YEATS4: variants seen among roughly 807,000 people sequenced by gnomAD.
YEATS4 encodes YEATS domain-containing protein 4.
YEATS4 carries 17 observed loss-of-function variants against 30.1 expected under a neutral mutation model. The ratio of observed to expected loss-of-function variants is 0.56; its 90% CI spans 0.39 to 0.85. The LOEUF is 0.85. Among genes scored for constraint, YEATS4 ranks in the 40% least tolerant of loss-of-function variants. The pLI is 0.00. For missense variants in YEATS4, 142 were observed against 268.3 expected, an observed-to-expected ratio of 0.53 and a Z score of 3.29; for synonymous variants, 85 against 87.5, an observed-to-expected ratio of 0.97 and a Z score of 0.16.
At chr12:69,412,526 G>A in the YEATS4 span, among the ~76,000 whole-genome samples, 1 of 152,218 alleles carries the variant, frequency 6.6e-6, no homozygotes, top group East Asian at 1.9e-4. Flanking sequence ...GGTGGCAGGG[G>A]CCTGTAGTCC....
At chr12:69,411,332 G>A in the YEATS4 span, among the ~76,000 whole-genome samples, 312 of 152,186 alleles carry the variant, frequency 2.1e-3, no homozygotes, top group Admixed American at 3.5e-3. Context: ...GTTTCGCCAT[G>A]TTGCCCAGGC....
intron 6 of YEATS4, among the ~76,000 whole-genome samples, chr12:69,375,928 T>C (rs1875857111): frequency 6.6e-6 from 1 of 152,142 alleles, no homozygotes; most frequent in Non-Finnish European, 1.5e-5. Context: ...TCTTTCTTGA[T>C]TTCATTTTCA....
downstream of YEATS4, among the ~76,000 whole-genome samples, chr12:69,394,430 G>C (rs1389927467): frequency 6.6e-6 from 1 of 152,090 alleles, no homozygotes; most frequent in Non-Finnish European, 1.5e-5. Flanking sequence ...TCACTGAAGA[G>C]GACATAAAAA....
intron 4 of YEATS4, among the ~76,000 whole-genome samples, chr12:69,370,255 A>G (rs1875587512): frequency 1.3e-5 from 2 of 152,152 alleles, no homozygotes; most frequent in African/African-American, 4.8e-5. Context: ...TTATTATGTC[A>G]TTTATGTAAT....
intron 6 of YEATS4, among the ~76,000 whole-genome samples, chr12:69,375,153 G>A (rs1181229913): frequency 6.7e-6 from 1 of 149,980 alleles, no homozygotes. Context: ...AGACGGGGAG[G>A]CTGCCGGGCG....
At chr12:69,391,863 C>T (rs554153515), downstream of YEATS4, among the ~76,000 whole-genome samples, 6 of 152,264 alleles carry the variant, frequency 3.9e-5, no homozygotes, top group South Asian at 4.1e-4. Flanking sequence ...CAGCTGCCCA[C>T]GAATGTATTG....
intron 6 of YEATS4, among the ~76,000 whole-genome samples, chr12:69,384,661 A>G (rs2121047657): frequency 6.6e-6 from 1 of 152,350 alleles, no homozygotes; most frequent in East Asian, 1.9e-4. Flanking sequence ...AAATTAGATT[A>G]CTGGCTATCC....
chr12:69,359,802 C>A lies in YEATS4; in HGVS notation c.-171C>A. On this transcript the variant is annotated 5_prime_UTR_variant, in exon 1 of 7. Coordinates refer to ENST00000247843, the MANE Select transcript of YEATS4 (RefSeq NM_006530.4). ...GAATGGCCTTCAGGAGCACAGTCGG[C>A]CTGAGGAGTTGACGGTTACTCACCG... The A allele has an allele frequency of 2.8e-6, 2 of 713,408 alleles. No individual in the cohort carries two copies. Among genetic ancestry groups the A allele is most frequent in the Non-Finnish European group, 4.5e-6 (2 of 440,166 alleles). 44.2% of individuals were successfully genotyped at this position (713,408 alleles called of 1,614,324 possible).
chr12:69,385,154 C>T (rs1876221363), intron 6 of YEATS4, among the ~76,000 whole-genome samples: 1 of 151,228 alleles, frequency 6.6e-6, no homozygotes, highest in African/African-American at 2.4e-5. Context: ...GCTAGGACTA[C>T]AGGTATGTGC....
chr12:69,420,813 G>A, the YEATS4 span, among the ~76,000 whole-genome samples: 4 of 152,056 alleles, frequency 2.6e-5, no homozygotes, highest in Admixed American at 6.6e-5. Flanking sequence ...TTCCATCCCC[G>A]GCCTCCCAGC....
At chr12:69,395,494 A>T (rs1451570249), downstream of YEATS4, among the ~76,000 whole-genome samples, 1 of 152,318 alleles carries the variant, frequency 6.6e-6, no homozygotes, top group African/African-American at 2.4e-5. Flanking sequence ...TATAAGTAAT[A>T]TGTTAGTAAG....
chr12:69,360,330 G>A (rs1013282746), intron 1 of YEATS4, among the ~76,000 whole-genome samples: 1 of 152,146 alleles, frequency 6.6e-6, no homozygotes, highest in Non-Finnish European at 1.5e-5. Context: ...AGCTCAGCTT[G>A]GTGCACATTC....
chr12:69,381,710 A>G (rs964059470), intron 6 of YEATS4, among the ~76,000 whole-genome samples: 4 of 152,182 alleles, frequency 2.6e-5, no homozygotes, highest in East Asian at 3.9e-4. Flanking sequence ...AATCTTCACA[A>G]TTTATGTTCT....
downstream of YEATS4, among the ~76,000 whole-genome samples, chr12:69,395,178 ATTAT>A (rs949897589): frequency 7.9e-5 from 12 of 152,304 alleles, no homozygotes; most frequent in African/African-American, 2.9e-4. Flanking sequence ...TTAGGAATAT[ATTAT>A]TTATTTTCAC....
the YEATS4 span, among the ~76,000 whole-genome samples, chr12:69,424,243 A>G: frequency 1.3e-5 from 2 of 152,224 alleles, no homozygotes; most frequent in Admixed American, 1.3e-4. Context: ...GTTAATTGCC[A>G]CAATGCCTTA....
the YEATS4 span, among the ~76,000 whole-genome samples, chr12:69,415,553 C>T: frequency 1.3e-5 from 2 of 152,174 alleles, no homozygotes; most frequent in Non-Finnish European, 2.9e-5. Context: ...AAAGGGAGAT[C>T]ATGTCTTAAA....
chr12:69,376,904 T>G (rs1875895162), intron 6 of YEATS4, among the ~76,000 whole-genome samples: 1 of 152,224 alleles, frequency 6.6e-6, no homozygotes, highest in Non-Finnish European at 1.5e-5. Context: ...GTTCAGGTTT[T>G]GGATTTCTTC....
At chr12:69,415,439 G>A in the YEATS4 span, among the ~76,000 whole-genome samples, 2 of 152,104 alleles carry the variant, frequency 1.3e-5, no homozygotes, top group Non-Finnish European at 2.9e-5. Context: ...GCCGAGTATG[G>A]TGGTGGGCAC....
chr12:69,374,103 T>G (rs1044235957), intron 6 of YEATS4, among the ~76,000 whole-genome samples: 3 of 151,858 alleles, frequency 2.0e-5, no homozygotes, highest in African/African-American at 7.3e-5. Context: ...TAGGCTATTC[T>G]GGATCTTTTG....
Sources: gnomAD v4.1 joint callset for allele counts (sites outside exome capture counted in the v4.1 genomes callset) on GRCh38, gnomAD v4.1.1 for gene constraint, MANE v1.5 for transcripts, NCBI Gene and HGNC (gene_info 2026-07-23, HGNC 2026-07-21) for gene names.